Variants in MTMR8 observed in about 807,000 individuals in gnomAD.
MTMR8 encodes myotubularin related protein 8, also known as phosphatidylinositol-3,5-bisphosphate 3-phosphatase MTMR8.
In MTMR8, 65 loss-of-function variants were observed where a neutral mutation model predicts 39.3. The observed-to-expected ratio is 1.65, with a 90% CI of 1.35 to 2.03. The LOEUF (loss-of-function observed/expected upper bound fraction) is 2.03, where lower values mean the gene tolerates loss of function less well. Ranked by LOEUF, MTMR8 falls within the 30% of genes most tolerant of loss-of-function variation. The probability of loss-of-function intolerance (pLI) is 0.00; values close to 1 mark genes in which losing one functional copy is unlikely to be tolerated. For missense variants in MTMR8, 777 were observed against 538.9 expected (o/e 1.44, Z -4.37); for synonymous variants, 245 against 185.2 (o/e 1.32, Z -2.62).
intron 12 of MTMR8, among the ~76,000 whole-genome samples, chrX:64,284,940 C>T (rs982731016): frequency 8.9e-6 from 1 of 112,012 alleles, no homozygotes; most frequent in South Asian, 3.7e-4. Context: ...AACCAGCTAA[C>T]ATCATAACGA....
chrX:64,323,531 A>G (rs1922710735), intron 12 of MTMR8, among the ~76,000 whole-genome samples: 1 of 111,782 alleles, frequency 8.9e-6, no homozygotes, highest in South Asian at 3.7e-4. Flanking sequence ...AAGAAACATC[A>G]CATTTAAAGG....
intron 12 of MTMR8, among the ~76,000 whole-genome samples, chrX:64,273,583 T>A (rs951989910): frequency 9.1e-6 from 1 of 110,038 alleles, no homozygotes; most frequent in Non-Finnish European, 1.9e-5. Context: ...ATGAACAAAA[T>A]GGCAACAGTA....
chrX:64,284,025 C>T (rs941981413), intron 12 of MTMR8, among the ~76,000 whole-genome samples: 17 of 111,812 alleles, frequency 1.5e-4, no homozygotes, highest in African/African-American at 5.5e-4. Flanking sequence ...CAAACTACTA[C>T]CAGCTAAAGG....
chrX:64,356,951 G>C (rs939613167), intron 2 of MTMR8, among the ~76,000 whole-genome samples: 1 of 111,344 alleles, frequency 9.0e-6, no homozygotes. Flanking sequence ...TCTGGAATAA[G>C]GATTTAACTA....
chrX:64,336,706 A>C (rs1413638440), intron 9 of MTMR8, among the ~76,000 whole-genome samples: 1 of 111,472 alleles, frequency 9.0e-6, no homozygotes, highest in Non-Finnish European at 1.9e-5. Context: ...CTATGGCACA[A>C]GAATCACTTG....
intron 12 of MTMR8, among the ~76,000 whole-genome samples, chrX:64,293,454 C>A (rs961235485): frequency 1.8e-5 from 2 of 110,945 alleles, no homozygotes; most frequent in African/African-American, 6.6e-5. Flanking sequence ...ACAAAGGGGC[C>A]CAAATTGGAT....
At chrX:64,343,560 A>G (rs753197518) in intron 8 of MTMR8, 51 bp downstream of exon 8, 1 of 776,634 alleles carries the variant, frequency 1.3e-6, no homozygotes, top group South Asian at 2.3e-5. Flanking sequence ...TACTACTTCA[A>G]TATATCCCAT....
chrX:64,370,391 G>T (rs1169725671), intron 1 of MTMR8, among the ~76,000 whole-genome samples: 1 of 108,818 alleles, frequency 9.2e-6, no homozygotes, highest in African/African-American at 3.3e-5. Context: ...AAAAAAAAAG[G>T]AAAGGCGAGA....
At chrX:64,312,318 G>T (rs1485583497) in intron 12 of MTMR8, among the ~76,000 whole-genome samples, 1 of 111,539 alleles carries the variant, frequency 9.0e-6, no homozygotes. Context: ...TGTTATTGGT[G>T]TATAGGAATC....
chrX:64,362,398 T>C (rs1923806909), intron 1 of MTMR8, among the ~76,000 whole-genome samples: 1 of 93,629 alleles, frequency 1.1e-5, no homozygotes, highest in African/African-American at 4.1e-5. Context: ...CTACTAGGTA[T>C]TAAAACATAC....
At chrX:64,303,765 A>G (rs1921984050) in intron 12 of MTMR8, among the ~76,000 whole-genome samples, 1 of 112,711 alleles carries the variant, frequency 8.9e-6, no homozygotes, top group Admixed American at 9.4e-5. Context: ...CATATAAAAC[A>G]AAGTTTGAAA....
intron 1 of MTMR8, among the ~76,000 whole-genome samples, chrX:64,363,878 C>A (rs1923867551): frequency 8.9e-6 from 1 of 111,905 alleles, no homozygotes; most frequent in African/African-American, 3.3e-5. Context: ...TCGGGACACT[C>A]CCTCCCAAAT....
Position 64,350,071 on chromosome X carries a change from C to A in MTMR8, c.469-1G>T, listed in dbSNP as rs761125395. ...TTTCAGGAGGGTAGGTGCTGCATATCTAAAAGAAAATAAGCACAATATATA... is the reference window on the plus strand; with the variant it reads ...TTTCAGGAGGGTAGGTGCTGCATATATAAAAGAAAATAAGCACAATATATA... On this transcript the variant is annotated splice_acceptor_variant, in intron 4 of 13. Transcript: ENST00000374852. LOFTEE classifies it high-confidence loss of function. 24 of 1,098,236 alleles carry A rather than the reference C, an allele frequency of 2.2e-5. No homozygotes were observed. The highest frequency in any genetic ancestry group is 2.9e-5 in the Non-Finnish European group (24 of 827,309). 90.5% of individuals were successfully genotyped at this position (1,098,236 alleles called of 1,213,427 possible).
At chrX:64,372,842 G>A (rs1479393929) in intron 1 of MTMR8, among the ~76,000 whole-genome samples, 1 of 111,528 alleles carries the variant, frequency 9.0e-6, no homozygotes, top group Non-Finnish European at 1.9e-5. Context: ...GGGATAAATG[G>A]CCAAGAGTGC....
chrX:64,382,480 C>T (rs962197089), intron 1 of MTMR8, among the ~76,000 whole-genome samples: 1 of 111,594 alleles, frequency 9.0e-6, no homozygotes, highest in Admixed American at 9.5e-5. Context: ...CTGAAGTTGC[C>T]TATCAGCCTA....
At chrX:64,380,924 T>G (rs1417915226) in intron 1 of MTMR8, among the ~76,000 whole-genome samples, 1 of 112,100 alleles carries the variant, frequency 8.9e-6, no homozygotes, top group Non-Finnish European at 1.9e-5. Flanking sequence ...GGACATGAAC[T>G]CATCATTTTT....
chrX:64,326,458 A>T (rs760811122), intron 12 of MTMR8, among the ~76,000 whole-genome samples: 8 of 111,948 alleles, frequency 7.1e-5, no homozygotes, highest in Non-Finnish European at 1.3e-4. Context: ...AGTTACAAAA[A>T]ACATATACTT....
chrX:64,268,440 C>A lies in MTMR8; in HGVS notation c.*97G>T, dbSNP rs1931675948. 1 of 1,066,980 alleles carries A rather than the reference C, an allele frequency of 9.4e-7. No homozygotes were observed. The highest frequency in any genetic ancestry group is 1.2e-6 in the Non-Finnish European group (1 of 800,192). 87.9% of individuals were successfully genotyped at this position (1,066,980 alleles called of 1,213,427 possible). A position where few individuals can be genotyped will look rare whatever the true frequency, so the allele number is the denominator to read the frequency against. On this transcript the variant is annotated 3_prime_UTR_variant, in exon 14 of 14. Transcript: ENST00000374852. ...GGGGAGAGGGGTGCCCTGGCTTCAC[C>A]CACTTAAACCAATTGGAAAAGCAGC...
Position 64,299,734 on chromosome X carries a change from T to C in MTMR8, c.1482-28661A>G, listed in dbSNP as rs1921771223. On this transcript the variant is annotated intron_variant, in intron 12 of 13. Coordinates refer to ENST00000374852, the MANE Select transcript of MTMR8 (RefSeq NM_017677.4). ...GGGCATTTCGTGCTATAAATTTCCC[T>C]CTACACACTGCTTTGAATGCGTCCC... Among the ~76,000 whole-genome samples, 5 of 101,502 alleles carry C rather than the reference T, an allele frequency of 4.9e-5. No individual in the cohort carries two copies. The South Asian group carries it at 2.6e-3, about 52-fold the overall frequency. The allele number at this position is 101,502 out of a possible 115,157, so 88.1% of individuals were successfully genotyped here. A position where few individuals can be genotyped will look rare whatever the true frequency, so the allele number is the denominator to read the frequency against.
Sources: allele counts gnomAD v4.1 joint callset (sites outside exome capture counted in the v4.1 genomes callset), GRCh38; gene constraint gnomAD v4.1.1; transcripts MANE v1.5; gene names NCBI Gene and HGNC (gene_info 2026-07-23, HGNC 2026-07-21).